Variants in SPTLC2 observed in about 807,000 individuals in gnomAD.
SPTLC2 encodes serine palmitoyltransferase 2.
SPTLC2 carries 21 observed loss-of-function variants against 62.0 expected under a neutral mutation model. The observed-to-expected ratio is 0.34, with a 90% confidence interval of 0.24 to 0.49. The LOEUF is 0.49. Ranked by LOEUF, SPTLC2 falls within the 20% of genes least tolerant of loss-of-function variation. SPTLC2 has a pLI of 0.99. For missense variants in SPTLC2, 511 were observed against 713.0 expected (o/e 0.72, Z 3.23); for synonymous variants, 261 against 261.8 (o/e 1.00, Z 0.03).
intron 4 of SPTLC2, among the ~76,000 whole-genome samples, chr14:77,573,844 C>T (rs1377045436): frequency 1.3e-5 from 2 of 152,154 alleles, no homozygotes; most frequent in Non-Finnish European, 2.9e-5. Context: ...GTTGGCTAGG[C>T]TGGTCTTGAA....
At chr14:77,581,949 G>C (rs1218097880) in intron 2 of SPTLC2, among the ~76,000 whole-genome samples, 1 of 151,960 alleles carries the variant, frequency 6.6e-6, no homozygotes, top group African/African-American at 2.4e-5. Flanking sequence ...AAAACAAAAA[G>C]TAGTCTTCAA....
intron 2 of SPTLC2, among the ~76,000 whole-genome samples, chr14:77,590,876 G>T (rs1171244081): frequency 6.6e-6 from 1 of 152,122 alleles, no homozygotes; most frequent in Non-Finnish European, 1.5e-5. Flanking sequence ...ACTAGCCATG[G>T]GACTATTTGA....
At chr14:77,539,753 G>A (rs777215142) in intron 9 of SPTLC2, among the ~76,000 whole-genome samples, 1 of 151,986 alleles carries the variant, frequency 6.6e-6, no homozygotes, top group Non-Finnish European at 1.5e-5. Flanking sequence ...GCCTTCCAAA[G>A]TGCTGGCATT....
chr14:77,615,620 C>T (rs959258772), intron 1 of SPTLC2, among the ~76,000 whole-genome samples: 6 of 152,206 alleles, frequency 3.9e-5, no homozygotes, highest in African/African-American at 1.4e-4. Context: ...ATCTGTCAGT[C>T]CAGACCACTG....
At chr14:77,517,988 G>A in intron 11 of SPTLC2, 50 bp downstream of exon 11, 1 of 1,610,812 alleles carries the variant, frequency 6.2e-7, no homozygotes, top group Non-Finnish European at 8.5e-7. Context: ...TAATATACAG[G>A]CCCTTTTAAT....
intron 1 of SPTLC2, among the ~76,000 whole-genome samples, chr14:77,605,107 G>A (rs1318847219): frequency 1.3e-5 from 2 of 151,978 alleles, no homozygotes; most frequent in Non-Finnish European, 2.9e-5. Flanking sequence ...AAACTCCTGG[G>A]CTCATGTAAT....
At chr14:77,541,762 C>G (rs1337595471) in intron 9 of SPTLC2, among the ~76,000 whole-genome samples, 1 of 152,030 alleles carries the variant, frequency 6.6e-6, no homozygotes, top group Non-Finnish European at 1.5e-5. Context: ...ATGAATATAT[C>G]TAAGAATATC....
intron 1 of SPTLC2, among the ~76,000 whole-genome samples, chr14:77,610,633 A>G (rs1179187775): frequency 2.0e-5 from 3 of 152,132 alleles, no homozygotes; most frequent in Admixed American, 2.0e-4. Context: ...CCATAGTATC[A>G]GTACAACCGC....
intron 9 of SPTLC2, among the ~76,000 whole-genome samples, chr14:77,522,078 A>G (rs971648962): frequency 6.6e-6 from 1 of 152,224 alleles, no homozygotes; most frequent in Non-Finnish European, 1.5e-5. Context: ...AATTTTACAC[A>G]TAAGACCAGA....
chr14:77,585,519 A>G (rs1257605152), intron 2 of SPTLC2, among the ~76,000 whole-genome samples: 2 of 152,312 alleles, frequency 1.3e-5, no homozygotes, highest in East Asian at 1.9e-4. Flanking sequence ...CTCAAACATG[A>G]GCATTTGAGG....
chr14:77,602,222 A>G (rs1238338629), intron 1 of SPTLC2, among the ~76,000 whole-genome samples: 1 of 152,202 alleles, frequency 6.6e-6, no homozygotes, highest in Non-Finnish European at 1.5e-5. Context: ...ATTCCTTTCC[A>G]GAACTCCACA....
chr14:77,522,855 TGACAAA>T (rs2079391334), intron 9 of SPTLC2, among the ~76,000 whole-genome samples: 2 of 152,218 alleles, frequency 1.3e-5, no homozygotes, highest in East Asian at 3.8e-4. Flanking sequence ...TAAGTTCTTA[TGACAAA>T]TTAACCAGAC....
intron 2 of SPTLC2, among the ~76,000 whole-genome samples, chr14:77,594,253 C>CA (rs1284898808): frequency 1.3e-5 from 2 of 152,198 alleles, no homozygotes; most frequent in African/African-American, 4.8e-5. Flanking sequence ...AAATTAGAAA[C>CA]TACTTAAGAA....
chr14:77,589,028 A>AAC (rs1258222926), intron 2 of SPTLC2, among the ~76,000 whole-genome samples: 68 of 118,630 alleles, frequency 5.7e-4, no homozygotes, highest in African/African-American at 1.5e-3. Flanking sequence ...AAAAAAAAAA[A>AAC]ACACACAAAG....
intron 3 of SPTLC2, among the ~76,000 whole-genome samples, chr14:77,577,963 G>A (rs1285632145): frequency 1.3e-5 from 2 of 151,976 alleles, no homozygotes; most frequent in Non-Finnish European, 2.9e-5. Context: ...TGGCCAACAT[G>A]GTGAAACCTC....
chr14:77,595,573 T>A (rs1048881104), intron 2 of SPTLC2, among the ~76,000 whole-genome samples: 10 of 152,112 alleles, frequency 6.6e-5, no homozygotes, highest in African/African-American at 2.4e-4. Context: ...ATGGTTGAGA[T>A]GAGAGAGAAA....
At chr14:77,615,171 C>T (rs1044384672) in intron 1 of SPTLC2, among the ~76,000 whole-genome samples, 1 of 152,170 alleles carries the variant, frequency 6.6e-6, no homozygotes, top group African/African-American at 2.4e-5. Flanking sequence ...ATCACTTCCT[C>T]CCTCACACAA....
intron 2 of SPTLC2, among the ~76,000 whole-genome samples, chr14:77,596,514 C>CAA (rs887858901): frequency 9.1e-6 from 1 of 110,290 alleles, no homozygotes; most frequent in African/African-American, 3.4e-5. Flanking sequence ...AAAAAATAAA[C>CAA]AAACAAACAA....
chr14:77,528,392 T>C (rs1187675812), intron 9 of SPTLC2, among the ~76,000 whole-genome samples: 1 of 152,070 alleles, frequency 6.6e-6, no homozygotes, highest in Non-Finnish European at 1.5e-5. Context: ...CCACCATGCC[T>C]GGCTAATTTC....
Sources: allele counts gnomAD v4.1 joint callset (sites outside exome capture counted in the v4.1 genomes callset), GRCh38; gene constraint gnomAD v4.1.1; transcripts MANE v1.5; gene names NCBI Gene and HGNC (gene_info 2026-07-23, HGNC 2026-07-21).